The following MYO10 variants were observed in gnomAD, a reference collection of about 807,000 sequenced individuals.
MYO10 encodes the protein unconventional myosin-X.
MYO10 carries 133 observed loss-of-function variants against 257.3 expected under a neutral mutation model. That is an observed-to-expected ratio of 0.52 (90% CI 0.45 to 0.60). The LOEUF (loss-of-function observed/expected upper bound fraction) is 0.60. Among genes scored for constraint, MYO10 ranks in the 20% least tolerant of loss-of-function variants. The pLI is 0.00. For synonymous variants in MYO10, 1,104 were observed against 1,028.6 expected (o/e 1.07, Z -1.40); for missense variants, 2,399 against 2,635.7 (o/e 0.91, Z 1.97).
chr5:16,847,561 A>G (rs113893219), intron 2 of MYO10, among the ~76,000 whole-genome samples: 5,633 of 151,996 alleles, frequency 0.037, 319 homozygotes, highest in African/African-American at 0.13. Flanking sequence ...GGCAAAACCT[A>G]TTTACAAAAA....
At chr5:16,762,186 G>C in intron 15 of MYO10, 73 bp from the exon 16 acceptor site, 1 of 1,411,792 alleles carries the variant, frequency 7.1e-7, no homozygotes, top group Non-Finnish European at 9.2e-7. Flanking sequence ...TTGACTTCCA[G>C]AGAACACTAA....
At chr5:16,758,549 C>G (rs1411094426) in intron 17 of MYO10, among the ~76,000 whole-genome samples, 1 of 152,122 alleles carries the variant, frequency 6.6e-6, no homozygotes, top group African/African-American at 2.4e-5. Context: ...TCCTCACTTG[C>G]AAAAGTGAGT....
chr5:16,835,492 G>GTTTTTTTT lies in MYO10; in HGVS notation c.121-17333_121-17326dup, dbSNP rs1554001242. On this transcript the variant is annotated intron_variant, in intron 2 of 40. Transcript: ENST00000513610. ...GATCACACCAAAGTCATTTTTGGCT[G>GTTTTTTTT]TTTTTTTTTTTTTTTTTTTTTTTGG... Among the ~76,000 whole-genome samples the GTTTTTTTT allele has an allele frequency of 8.4e-4, 68 of 81,060 alleles. 2 individuals carry two copies. Among genetic ancestry groups the GTTTTTTTT allele is most frequent in the East Asian group, 1.3e-3 (3 of 2,348 alleles). The allele number at this position is 81,060 out of a possible 152,430, so 53.2% of individuals were successfully genotyped here. A position where few individuals can be genotyped will look rare whatever the true frequency, so the allele number is the denominator to read the frequency against.
At chr5:16,740,635 G>A (rs934517637) in intron 19 of MYO10, among the ~76,000 whole-genome samples, 4 of 152,050 alleles carry the variant, frequency 2.6e-5, no homozygotes, top group African/African-American at 7.2e-5. Flanking sequence ...TTCAGCCACC[G>A]AGGCATTCAG....
At position 16,668,292 on chromosome 5, in the gene MYO10, G is replaced by C. The variant is rs750415980; in HGVS notation, c.6060C>G (p.Leu2020=). ...TGCCTCTTACCTCACTGGTTTCAAA[G>C]AGCAGCTCCCTCTCATCGACCACGA... is the stretch of plus-strand genomic sequence containing the variant. ...YKIVVDEREL[L]FETSEVVDVA... is the part of the protein sequence containing the mutation. The change falls in exon 40 of 41, where the codon CTC becomes CTG. Residue 2020 remains leucine, a synonymous_variant. Transcript: ENST00000513610. 2.5e-6 allele frequency: 4 copies of C among 1,612,248 alleles called. No individual in the cohort carries two copies. Among genetic ancestry groups the C allele is most frequent in the Admixed American group, 1.7e-5 (1 of 59,576 alleles).
At chr5:16,908,157 A>G (rs1745564694) in intron 1 of MYO10, among the ~76,000 whole-genome samples, 1 of 152,010 alleles carries the variant, frequency 6.6e-6, no homozygotes, top group South Asian at 2.1e-4. Flanking sequence ...CCTTGAACCC[A>G]GAGACAAAGG....
Position 16,779,609 on chromosome 5 carries a change from A to G in MYO10, c.866T>C (p.Leu289Ser), listed in dbSNP as rs1315702650. ...YLSTPENYHYLNQSGCVEDKT... is the reference protein window; with the variant it reads ...YLSTPENYHYSNQSGCVEDKT... ...GTCTTCTACACATCCAGACTGATTC[A>G]AGTAGTGGTAGTTTTCTGGCGTAGA... The change falls in exon 9 of 41, where the codon TTG (leucine) becomes TCG (serine). Residue 289 changes from leucine to serine, a missense_variant. Transcript: ENST00000513610. The G allele has an allele frequency of 6.2e-7, 1 of 1,604,890 alleles. No homozygotes were observed. The highest frequency in any genetic ancestry group is 1.7e-5 in the Admixed American group (1 of 57,198).
chr5:16,892,270 C>A (rs1334612181), intron 1 of MYO10, among the ~76,000 whole-genome samples: 1 of 152,162 alleles, frequency 6.6e-6, no homozygotes, highest in Non-Finnish European at 1.5e-5. Context: ...GATCTCTCTG[C>A]ACAAAATGAG....
At chr5:16,667,468 A>G (rs1736226747) in intron 40 of MYO10, among the ~76,000 whole-genome samples, 1 of 152,120 alleles carries the variant, frequency 6.6e-6, no homozygotes, top group African/African-American at 2.4e-5. Flanking sequence ...CACTGTCTGT[A>G]AATTCACTGT....
Position 16,668,430 on chromosome 5 carries a change from AC to A in MYO10, c.5921del (p.Gly1974ValfsTer60). ...EGGFPQELWL[G>X]VSADAVSVYK... The stretch of plus-strand genomic sequence containing the variant: ...AGACGGAGACGGCGTCCGCGCTGAC[AC>A]CCAACCAGAGTTCCTGAGGGAAGCC... On this transcript the variant is annotated frameshift_variant, in exon 40 of 41. Transcript: ENST00000513610. LOFTEE classifies it high-confidence loss of function. The A allele has an allele frequency of 1.9e-6, 3 of 1,612,344 alleles. No individual in the cohort carries two copies. The highest frequency in any genetic ancestry group is 2.5e-6 in the Non-Finnish European group (3 of 1,179,350).
Position 16,704,443 on chromosome 5 carries a change from G to A in MYO10, c.2276+136C>T, listed in dbSNP as rs79417984. On this transcript the variant is annotated intron_variant, in intron 22 of 40. Transcript: ENST00000513610. ...GCCCAGTCAGGCTAGCTAGGTTTCG[G>A]GAGTGGCTGCTTAGGAGGCCTGACC... is the stretch of plus-strand genomic sequence containing the variant. 9.8e-4 allele frequency: 645 copies of A among 660,506 alleles called. No individual in the cohort carries two copies. In the African/African-American group the frequency reaches 0.011, roughly 11 times the overall value. 40.9% of individuals were successfully genotyped at this position (660,506 alleles called of 1,614,324 possible).
chr5:16,836,872 T>C (rs1743328382), intron 2 of MYO10, among the ~76,000 whole-genome samples: 1 of 152,136 alleles, frequency 6.6e-6, no homozygotes. Context: ...AAAACGTATG[T>C]CCACACGAAA....
chr5:16,915,694 G>C (rs937726399), intron 1 of MYO10, among the ~76,000 whole-genome samples: 19 of 152,282 alleles, frequency 1.2e-4, no homozygotes, highest in Non-Finnish European at 2.1e-4. Context: ...AGTGGCTCAC[G>C]CCTACAATCC....
At chr5:16,903,534 T>C (rs1745443390) in intron 1 of MYO10, among the ~76,000 whole-genome samples, 1 of 152,232 alleles carries the variant, frequency 6.6e-6, no homozygotes, top group African/African-American at 2.4e-5. Context: ...TCTCCTCTTT[T>C]TGAAATAGCT....
At chr5:16,711,302 G>A in intron 19 of MYO10, 57 bp from the exon 20 acceptor site, 1 of 1,550,092 alleles carries the variant, frequency 6.5e-7, no homozygotes, top group Non-Finnish European at 8.8e-7. Flanking sequence ...AATTCGATAA[G>A]GGAGGCTTAA....
chr5:16,694,955 C>T (rs1415482896), intron 26 of MYO10, among the ~76,000 whole-genome samples: 2 of 152,198 alleles, frequency 1.3e-5, no homozygotes, highest in East Asian at 1.9e-4. Context: ...AGAACCATGT[C>T]CCTATGTATG....
intron 2 of MYO10, among the ~76,000 whole-genome samples, chr5:16,869,750 A>T (rs1744398145): frequency 2.0e-5 from 3 of 151,372 alleles, no homozygotes; most frequent in South Asian, 2.1e-4. Flanking sequence ...CTCTAATCCC[A>T]GCTACGTAGG....
In MYO10 at chr5:16,751,648, A is replaced by T. The variant is rs1344160506; in HGVS notation, c.1929+3180T>A. 5.0e-5 allele frequency among the ~76,000 whole-genome samples: 7 copies of T among 140,880 alleles called. No individual in the cohort carries two copies. The East Asian group carries it at 1.5e-3, about 30-fold the overall frequency. 92.4% of individuals were successfully genotyped at this position (140,880 alleles called of 152,430 possible). On this transcript the variant is annotated intron_variant, in intron 19 of 40. Transcript: ENST00000513610. Reference sequence around the variant, plus strand: ...AGGCACGCGCCACCAAACCTGGCTAATTTTTTTTTTTTTTTTTTAGTAGAG... The same window carrying T: ...AGGCACGCGCCACCAAACCTGGCTATTTTTTTTTTTTTTTTTTTAGTAGAG...
In MYO10 at chr5:16,818,031, C is replaced by A; in HGVS notation, c.257G>T (p.Arg86Leu). 6.3e-7 allele frequency: 1 copy of A among 1,589,988 alleles called. No homozygotes were observed. Among genetic ancestry groups the A allele is most frequent in the Non-Finnish European group, 8.6e-7 (1 of 1,165,410 alleles). ...TACATATATTTGATTTCTCTTATACCGCTGGAATAAGTTATACATGATGGA... is the reference window on the plus strand; with the variant it reads ...TACATATATTTGATTTCTCTTATACAGCTGGAATAAGTTATACATGATGGA... ...GGSIMYNLFQ[R>L]YKRNQIYTYI... The change falls in exon 3 of 41, where the codon CGG becomes CTG. Residue 86 changes from arginine to leucine, a missense_variant. Arg to Leu is a moderately radical substitution (Grantham distance 102). This residue lies in a region of MYO10 where 242 missense variants were observed against 249.5 expected (regional missense o/e 0.97). Transcript: ENST00000513610.
Sources: allele counts gnomAD v4.1 joint callset (sites outside exome capture counted in the v4.1 genomes callset), GRCh38; gene constraint gnomAD v4.1.1; regional missense constraint gnomAD v4.1.1; transcripts MANE v1.5; gene names NCBI Gene and HGNC (gene_info 2026-07-23, HGNC 2026-07-21).